Variants in RNF122 observed in about 807,000 individuals in gnomAD.
The protein encoded by RNF122 is ring finger protein 122.
A neutral mutation model predicts 24.2 loss-of-function variants in RNF122; 17 were observed. That is an observed-to-expected ratio of 0.70 (90% CI 0.48 to 1.06). The LOEUF (loss-of-function observed/expected upper bound fraction) is 1.06, where lower values mean the gene tolerates loss of function less well. Ranked by LOEUF, RNF122 falls within the 50% of genes least tolerant of loss-of-function variation. The pLI, the probability that RNF122 is intolerant of heterozygous loss-of-function variation, is 0.00. For missense variants in RNF122, 168 were observed against 198.1 expected, an observed-to-expected ratio of 0.85 and a Z score of 0.91; for synonymous variants, 65 against 71.8, an observed-to-expected ratio of 0.91 and a Z score of 0.48.
At chr8:33,564,145 G>A (rs1273990364) in intron 1 of RNF122, among the ~76,000 whole-genome samples, 1 of 152,160 alleles carries the variant, frequency 6.6e-6, no homozygotes, top group Non-Finnish European at 1.5e-5. Flanking sequence ...TAAGGACAGA[G>A]AATACCAGCC....
chr8:33,559,650 C>T (rs1242597479), intron 1 of RNF122, among the ~76,000 whole-genome samples: 2 of 152,106 alleles, frequency 1.3e-5, no homozygotes. Flanking sequence ...ACTCCAAGTC[C>T]TGGGCCAGCA....
chr8:33,550,699 T>C (rs569093415), intron 4 of RNF122, among the ~76,000 whole-genome samples: 3 of 152,186 alleles, frequency 2.0e-5, no homozygotes, highest in African/African-American at 7.2e-5. Flanking sequence ...AACCAGGATG[T>C]AGGGGCTGAA....
intron 2 of RNF122, among the ~76,000 whole-genome samples, chr8:33,555,554 C>T (rs2128839356): frequency 6.6e-6 from 1 of 152,338 alleles, no homozygotes; most frequent in Non-Finnish European, 1.5e-5. Context: ...CAATTCACAG[C>T]TCTCAAACCT....
intron 1 of RNF122, among the ~76,000 whole-genome samples, chr8:33,564,002 G>A (rs1449171564): frequency 6.6e-6 from 1 of 152,144 alleles, no homozygotes. Flanking sequence ...GGTATTTCAC[G>A]TGATAAAGAG....
At position 33,551,417 on chromosome 8, in the gene RNF122, A is replaced by AAGCAGGT. The variant is rs767573577; in HGVS notation, c.183-35_183-29dup. On this transcript the variant is annotated intron_variant, in intron 2 of 5. Transcript: ENST00000256257. Reference sequence around the variant, plus strand: ...GGGAGAAAGAGAAAAAAATTAGAGAAAGCAGGTTAAATGGAACAATTCAAA... The same window carrying AAGCAGGT: ...GGGAGAAAGAGAAAAAAATTAGAGAAAGCAGGTAGCAGGTTAAATGGAACAATTCAAA... 13 of 1,612,372 alleles carry AAGCAGGT rather than the reference A, an allele frequency of 8.1e-6. No individual in the cohort carries two copies. In the African/African-American group the frequency reaches 1.6e-4, roughly 20 times the overall value.
chr8:33,560,366 A>G (rs536475351), intron 1 of RNF122, among the ~76,000 whole-genome samples: 1 of 152,034 alleles, frequency 6.6e-6, no homozygotes, highest in African/African-American at 2.4e-5. Context: ...TCTGCTGGAA[A>G]AGGAACTTTG....
Position 33,558,716 on chromosome 8 carries a change from G to C in RNF122, c.81C>G (p.Pro27=). 6.2e-7 allele frequency: 1 copy of C among 1,611,340 alleles called. No homozygotes were observed. Among genetic ancestry groups the C allele is most frequent in the Non-Finnish European group, 8.5e-7 (1 of 1,178,112 alleles). The change falls in exon 2 of 6, where the codon CCC becomes CCG. Residue 27 remains proline (P), a synonymous_variant. Coordinates refer to ENST00000256257, the MANE Select transcript of RNF122 (RefSeq NM_024787.3). ...VSTNKSCSMP[P]ISFQDLPLNI... The stretch of plus-strand genomic sequence containing the variant: ...TGAGCGGAAGGTCCTGGAAACTGAT[G>C]GGTGGCATCGAGCAGGACTTGTTGG...
At chr8:33,550,493 A>C (rs1001728651) in intron 4 of RNF122, among the ~76,000 whole-genome samples, 1 of 151,694 alleles carries the variant, frequency 6.6e-6, no homozygotes, top group African/African-American at 2.4e-5. Context: ...AGGTGACCTT[A>C]GAGGCATAGG....
At chr8:33,558,803 G>T (rs764895762) in intron 1 of RNF122, 32 bp from the exon 2 acceptor site, 1 of 1,520,372 alleles carries the variant, frequency 6.6e-7, no homozygotes, top group East Asian at 2.3e-5. Flanking sequence ...AATCATTAGG[G>T]TTGGAAATTT....
intron 5 of RNF122, 68 bp downstream of exon 5, chr8:33,549,342 G>C: frequency 7.7e-7 from 1 of 1,291,264 alleles, no homozygotes; most frequent in Non-Finnish European, 1.1e-6. Flanking sequence ...GCAGAGACTG[G>C]AAGTTTCCAG....
chr8:33,560,801 A>G (rs1810529968), intron 1 of RNF122, among the ~76,000 whole-genome samples: 1 of 152,056 alleles, frequency 6.6e-6, no homozygotes, highest in Non-Finnish European at 1.5e-5. Flanking sequence ...ATGGTTGCAC[A>G]CATCTGTAAT....
chr8:33,553,460 T>TG (rs1421712665), intron 2 of RNF122, among the ~76,000 whole-genome samples: 1 of 151,970 alleles, frequency 6.6e-6, no homozygotes, highest in African/African-American at 2.4e-5. Context: ...CCTGGCTACT[T>TG]GGGGGGTCTG....
At chr8:33,548,994 G>A in intron 5 of RNF122, 127 bp from the exon 6 acceptor site, 1 of 712,540 alleles carries the variant, frequency 1.4e-6, no homozygotes, top group Non-Finnish European at 2.5e-6. Flanking sequence ...GCTGAGGCAG[G>A]TGGATCACCT....
At chr8:33,565,787 C>T (rs111742997) in intron 1 of RNF122, among the ~76,000 whole-genome samples, 12 of 152,314 alleles carry the variant, frequency 7.9e-5, no homozygotes, top group African/African-American at 2.6e-4. Flanking sequence ...ACACGGCTCC[C>T]GCCAGGCCAG....
chr8:33,560,553 C>CT (rs796310469), intron 1 of RNF122, among the ~76,000 whole-genome samples: 5,105 of 145,592 alleles, frequency 0.035, 267 homozygotes, highest in African/African-American at 0.11. Context: ...TCTTTTTTTC[C>CT]TTTTTTTTTT....
intron 2 of RNF122, among the ~76,000 whole-genome samples, chr8:33,552,403 A>C (rs946847326): frequency 6.6e-6 from 1 of 151,878 alleles, no homozygotes; most frequent in Non-Finnish European, 1.5e-5. Flanking sequence ...CTGTCTCATA[A>C]AAATAAAAAA....
At chr8:33,560,553 CTT>C (rs796310469) in intron 1 of RNF122, among the ~76,000 whole-genome samples, 2 of 145,608 alleles carry the variant, frequency 1.4e-5, no homozygotes, top group African/African-American at 2.5e-5. Context: ...TCTTTTTTTC[CTT>C]TTTTTTTTTG....
intron 1 of RNF122, among the ~76,000 whole-genome samples, chr8:33,559,462 T>C (rs1380444666): frequency 6.6e-6 from 1 of 152,044 alleles, no homozygotes; most frequent in Non-Finnish European, 1.5e-5. Context: ...CGTTAAGAAA[T>C]TACCTCTAAG....
intron 2 of RNF122, 97 bp downstream of exon 2, chr8:33,558,518 G>T (rs1810489190): frequency 3.9e-6 from 4 of 1,027,148 alleles, no homozygotes; most frequent in Admixed American, 2.8e-5. Flanking sequence ...TATAAGACTG[G>T]TGACTCTGCT....
Sources: allele counts gnomAD v4.1 joint callset (sites outside exome capture counted in the v4.1 genomes callset), GRCh38; gene constraint gnomAD v4.1.1; transcripts MANE v1.5; gene names NCBI Gene and HGNC (gene_info 2026-07-23, HGNC 2026-07-21).